EPB41L4A: variants seen among roughly 807,000 people sequenced by gnomAD.
The protein encoded by EPB41L4A is band 4.1-like protein 4A.
Under a neutral mutation model 108.6 loss-of-function variants are expected in EPB41L4A, and 100 were observed. That is an observed-to-expected ratio of 0.92 (90% CI 0.78 to 1.09). The LOEUF (loss-of-function observed/expected upper bound fraction) is 1.09, where lower values mean the gene tolerates loss of function less well. EPB41L4A is among the 50% of genes least tolerant of loss of function. EPB41L4A has a pLI of 0.00. For missense variants in EPB41L4A, 1,030 were observed against 842.7 expected (o/e 1.22, Z -2.75); for synonymous variants, 319 against 289.0 (o/e 1.10, Z -1.05).
At chr5:112,330,712 G>A (rs1321452586) in intron 1 of EPB41L4A, among the ~76,000 whole-genome samples, 1 of 151,512 alleles carries the variant, frequency 6.6e-6, no homozygotes, top group Non-Finnish European at 1.5e-5. Flanking sequence ...GTGCTATCCT[G>A]CCTCTAGTGT....
At chr5:112,288,988 C>T (rs942874877) in intron 2 of EPB41L4A, among the ~76,000 whole-genome samples, 1 of 152,080 alleles carries the variant, frequency 6.6e-6, no homozygotes, top group Non-Finnish European at 1.5e-5. Context: ...GGGATAAGTG[C>T]ATTTTATATG....
At position 112,204,441 on chromosome 5, in the gene EPB41L4A, G is replaced by A; in HGVS notation, c.1310C>T (p.Pro437Leu). The A allele has an allele frequency of 6.2e-7, 1 of 1,613,948 alleles. No individual in the cohort carries two copies. The highest frequency in any genetic ancestry group is 8.5e-7 in the Non-Finnish European group (1 of 1,179,894). Residue 437 changes from proline to leucine, a missense_variant, in exon 15 of 23, where the codon CCT becomes CTT. By Grantham distance (98) the Pro-to-Leu change is moderately conservative. Transcript: ENST00000261486. ...GGAGGGGTTTCGGCGACGCGTGTAA[G>A]GGAACTTTGGCGACTTAGTGCGATC... ...PSDRTKSPKF[P>L]YTRRRNPSCG...
chr5:112,399,137 CTA>C (rs1761572301), intron 1 of EPB41L4A, among the ~76,000 whole-genome samples: 1 of 152,138 alleles, frequency 6.6e-6, no homozygotes, highest in African/African-American at 2.4e-5. Flanking sequence ...CCCTCCCCTG[CTA>C]TGATCATCAC....
chr5:112,324,856 A>C (rs1756042057), intron 1 of EPB41L4A, among the ~76,000 whole-genome samples: 1 of 152,050 alleles, frequency 6.6e-6, no homozygotes, highest in Admixed American at 6.6e-5. Flanking sequence ...ATAAACAGTA[A>C]ATTAAAAACA....
intron 1 of EPB41L4A, among the ~76,000 whole-genome samples, chr5:112,373,400 G>A (rs1279590730): frequency 1.3e-5 from 2 of 152,104 alleles, no homozygotes; most frequent in Non-Finnish European, 2.9e-5. Flanking sequence ...AGCTCCTCTG[G>A]TATGGTTTCC....
At chr5:112,213,336 G>T (rs1010821979) in intron 12 of EPB41L4A, among the ~76,000 whole-genome samples, 1 of 137,604 alleles carries the variant, frequency 7.3e-6, no homozygotes. Context: ...CTGTTAACAT[G>T]TACAGTTTTT....
intron 1 of EPB41L4A, among the ~76,000 whole-genome samples, chr5:112,376,377 C>T (rs1395629791): frequency 6.6e-6 from 1 of 152,100 alleles, no homozygotes; most frequent in South Asian, 2.1e-4. Flanking sequence ...AATAGTGACG[C>T]CACCAAATTC....
At chr5:112,192,390 C>T (rs1237344133) in intron 17 of EPB41L4A, among the ~76,000 whole-genome samples, 2 of 152,186 alleles carry the variant, frequency 1.3e-5, no homozygotes, top group East Asian at 1.9e-4. Context: ...TATACCACAT[C>T]TTCTACAGCC....
chr5:112,210,001 G>A lies in EPB41L4A; in HGVS notation c.1088-19C>T, dbSNP rs1345845625. On this transcript the variant is annotated intron_variant, in intron 12 of 22. Coordinates refer to ENST00000261486, the MANE Select transcript of EPB41L4A (RefSeq NM_022140.5). ...TTTGATTCTAGCAGAGGAGGAGAAG[G>A]AAAGATGGAAGAGAGAGGAAACAGT... 20 of 1,406,310 alleles carry A rather than the reference G, an allele frequency of 1.4e-5. No individual in the cohort carries two copies. Among genetic ancestry groups the A allele is most frequent in the Admixed American group, 1.8e-5 (1 of 55,080 alleles). The allele number at this position is 1,406,310 out of a possible 1,614,324, so 87.1% of individuals were successfully genotyped here.
chr5:112,300,305 T>A (rs1250348409), intron 2 of EPB41L4A, among the ~76,000 whole-genome samples: 1 of 152,214 alleles, frequency 6.6e-6, no homozygotes, highest in Non-Finnish European at 1.5e-5. Flanking sequence ...TGTTTCAAGA[T>A]TTGGAGCTCC....
intron 2 of EPB41L4A, among the ~76,000 whole-genome samples, chr5:112,297,312 ATT>A (rs1296894530): frequency 6.6e-6 from 1 of 151,786 alleles, no homozygotes; most frequent in Non-Finnish European, 1.5e-5. Context: ...TTATTTTTTT[ATT>A]TTTTTGATAA....
chr5:112,345,100 C>T (rs1011370660), intron 1 of EPB41L4A, among the ~76,000 whole-genome samples: 2 of 152,202 alleles, frequency 1.3e-5, no homozygotes, highest in Non-Finnish European at 2.9e-5. Flanking sequence ...CTTTTCATTT[C>T]AATCTTGCCT....
chr5:112,251,909 T>C (rs1011494360), intron 9 of EPB41L4A, among the ~76,000 whole-genome samples: 4 of 152,268 alleles, frequency 2.6e-5, no homozygotes, highest in Admixed American at 1.3e-4. Context: ...ATTTTGAACA[T>C]AGTATTTGAC....
In EPB41L4A at chr5:112,419,087, G is replaced by T; in HGVS notation, c.-48C>A. 7.1e-7 allele frequency: 1 copy of T among 1,408,514 alleles called. No individual in the cohort carries two copies. Among genetic ancestry groups the T allele is most frequent in the Admixed American group, 1.7e-5 (1 of 59,148 alleles). 87.3% of individuals were successfully genotyped at this position (1,408,514 alleles called of 1,614,324 possible). ...CAGGAGAGAAAGCTACCACCGAGGC[G>T]CCCAGCCGCCCCCTCCACTCAAGCG... On this transcript the variant is annotated 5_prime_UTR_variant, in exon 1 of 23. Transcript: ENST00000261486.
At chr5:112,205,567 C>G (rs1219145911) in intron 13 of EPB41L4A, 63 bp from the exon 14 acceptor site, 3 of 1,279,334 alleles carry the variant, frequency 2.3e-6, no homozygotes, top group Non-Finnish European at 3.3e-6. Flanking sequence ...AACTCACATA[C>G]TTATTTGTTA....
In EPB41L4A at chr5:112,262,488, AC is replaced by A; in HGVS notation, c.642+5del. The A allele has an allele frequency of 6.2e-7, 1 of 1,609,860 alleles. No homozygotes were observed. Among genetic ancestry groups the A allele is most frequent in the Non-Finnish European group, 8.5e-7 (1 of 1,176,792 alleles). ...AAATATTTTGTGTTAATTAAATGTT[AC>A]TCACATAGACGGGATGGAGGTCAAC... On this transcript the variant is annotated splice_donor_5th_base_variant and intron_variant, in intron 7 of 22. Coordinates refer to ENST00000261486, the MANE Select transcript of EPB41L4A (RefSeq NM_022140.5).
At chr5:112,351,123 T>C (rs1266863162) in intron 1 of EPB41L4A, among the ~76,000 whole-genome samples, 4 of 151,948 alleles carry the variant, frequency 2.6e-5, no homozygotes, top group Admixed American at 2.0e-4. Flanking sequence ...AAAGGAAAGA[T>C]ATAATAAAGA....
intron 8 of EPB41L4A, among the ~76,000 whole-genome samples, 181 bp from the exon 9 acceptor site, chr5:112,259,473 TG>T (rs878947442): frequency 1.3e-5 from 2 of 152,188 alleles, no homozygotes; most frequent in South Asian, 4.1e-4. Flanking sequence ...CCATTCTCAT[TG>T]TCCTATGCTT....
In EPB41L4A at chr5:112,399,855, C is replaced by A. The variant is rs114652982; in HGVS notation, c.99+19086G>T. Among the ~76,000 whole-genome samples, 314 of 152,338 alleles carry A rather than the reference C, an allele frequency of 2.1e-3. 1 individual carries two copies. Among genetic ancestry groups the A allele is most frequent in the African/African-American group, 7.2e-3 (298 of 41,574 alleles). On this transcript the variant is annotated intron_variant, in intron 1 of 22. Coordinates refer to ENST00000261486, the MANE Select transcript of EPB41L4A (RefSeq NM_022140.5). ...AGGAGCTCCAGTGGGCATCCCTTCA[C>A]CCCCTTTGACTAATCCTTCAAAGTC... is the stretch of plus-strand genomic sequence containing the variant.
Sources: gnomAD v4.1 joint callset for allele counts (sites outside exome capture counted in the v4.1 genomes callset) on GRCh38, gnomAD v4.1.1 for gene constraint, MANE v1.5 for transcripts, NCBI Gene and HGNC (gene_info 2026-07-23, HGNC 2026-07-21) for gene names.